Variants in LMNTD2 observed in about 807,000 individuals in gnomAD.
LMNTD2 encodes the protein lamin tail domain containing 2.
In LMNTD2, 83 loss-of-function variants were observed where a neutral mutation model predicts 70.1. The ratio of observed to expected loss-of-function variants is 1.18; its 90% CI spans 0.99 to 1.42. LMNTD2 has a LOEUF of 1.42. Among genes scored for constraint, LMNTD2 ranks in the 40% most tolerant of loss-of-function variants. The pLI, the probability that LMNTD2 is intolerant of heterozygous loss-of-function variation, is 0.00. For synonymous variants in LMNTD2, 534 were observed against 406.1 expected (o/e 1.31, Z -3.79); for missense variants, 1,153 against 905.9 (o/e 1.27, Z -3.50).
At chr11:559,489 C>G in intron 1 of LMNTD2, 1 of 1,291,362 alleles carries the variant, frequency 7.7e-7, no homozygotes, top group Non-Finnish European at 1.0e-6. Flanking sequence ...GAGTTCTGGG[C>G]CAGCCCAGCC....
In LMNTD2 at chr11:557,942, T is replaced by C. The variant is rs985493383; in HGVS notation, c.497A>G (p.Gln166Arg). The change falls in exon 5 of 14, where the codon CAG becomes CGG. Residue 166 changes from glutamine to arginine, a missense_variant. Coordinates refer to ENST00000329451, the MANE Select transcript of LMNTD2 (RefSeq NM_173573.3). ...GCCCACCCACGAGGAGCGGGCCAGC[T>C]GCAGGAGGCAGGACTTCTGCAAGTT... is the stretch of plus-strand genomic sequence containing the variant. ...LQNLQKSCLL[Q>R]LARSSWVGRM... The C allele has an allele frequency of 8.1e-6, 13 of 1,598,112 alleles. No individual in the cohort carries two copies. Among genetic ancestry groups the C allele is most frequent in the African/African-American group, 1.3e-5 (1 of 74,686 alleles).
In LMNTD2 at chr11:554,909, C is replaced by CG; in HGVS notation, c.*70dup. The CG allele has an allele frequency of 1.8e-6, 2 of 1,109,940 alleles. No homozygotes were observed. The highest frequency in any genetic ancestry group is 6.1e-5 in the East Asian group (2 of 33,054). The allele number at this position is 1,109,940 out of a possible 1,614,324, so 68.8% of individuals were successfully genotyped here. A position where few individuals can be genotyped will look rare whatever the true frequency, so the allele number is the denominator to read the frequency against. On this transcript the variant is annotated 3_prime_UTR_variant, in exon 14 of 14. Coordinates refer to ENST00000329451, the MANE Select transcript of LMNTD2 (RefSeq NM_173573.3). ...CACGTTGGTTCAATAAATGATGCAGCGGACACAGCCCGCCCAGCCCCGGCG... is the reference window on the plus strand; with the variant it reads ...CACGTTGGTTCAATAAATGATGCAGCGGGACACAGCCCGCCCAGCCCCGGCG...
At position 558,602 on chromosome 11, in the gene LMNTD2, T is replaced by C. The variant is rs768727060; in HGVS notation, c.311+12A>G. The C allele has an allele frequency of 3.8e-6, 6 of 1,598,732 alleles. No homozygotes were observed. Among genetic ancestry groups the C allele is most frequent in the Non-Finnish European group, 4.3e-6 (5 of 1,172,206 alleles). The stretch of plus-strand genomic sequence containing the variant: ...GGCGGGGTTGGGTTGGGCTGGGGAC[T>C]GTGCTGCAGACCTCTTGGGCGGAAG... On this transcript the variant is annotated intron_variant, in intron 3 of 13. Coordinates refer to ENST00000329451, the MANE Select transcript of LMNTD2 (RefSeq NM_173573.3).
intron 1 of LMNTD2, chr11:559,225 A>T: frequency 6.7e-7 from 1 of 1,484,702 alleles, no homozygotes; most frequent in South Asian, 1.3e-5. Flanking sequence ...GCAGCAGGTC[A>T]CCACCCGACA....
rs936467 is a variant in LMNTD2, at chr11:556,121, G to A, written c.1258-6C>T. 1,436,612 of 1,451,656 alleles carry A rather than the reference G, an allele frequency of 0.99. 711,725 individuals are homozygous for A. Among genetic ancestry groups the A allele is most frequent in the East Asian group, 1 (34,884 of 34,884 alleles). 89.9% of individuals were successfully genotyped at this position (1,451,656 alleles called of 1,614,324 possible). On this transcript the variant is annotated splice_region_variant and splice_polypyrimidine_tract_variant and intron_variant, in intron 10 of 13. Coordinates refer to ENST00000329451, the MANE Select transcript of LMNTD2 (RefSeq NM_173573.3). The stretch of plus-strand genomic sequence containing the variant: ...CGGGTCGCCTCGCCCCAGACCTGGA[G>A]GGGCGTGGAGCGGCGGGTGAGGGGC...
intron 5 of LMNTD2, 46 bp downstream of exon 5, chr11:557,828 ATGGGGAGGGC>A (rs1564817589): frequency 1.3e-6 from 2 of 1,515,522 alleles, no homozygotes; most frequent in African/African-American, 1.4e-5. Flanking sequence ...ACCCGACGAG[ATGGGGAGGGC>A]TGGGGAGGGC....
Position 557,037 on chromosome 11 carries a change from G to T in LMNTD2, c.774C>A (p.Ser258=), listed in dbSNP as rs374225356. The T allele has an allele frequency of 3.7e-6, 6 of 1,609,428 alleles. No homozygotes were observed. The Admixed American group carries it at 8.4e-5, about 22-fold the overall frequency. Residue 258 remains serine (S), a synonymous_variant, in exon 8 of 14, where the codon TCC becomes TCA. Transcript: ENST00000329451. Reference sequence around the variant, plus strand: ...ACTCCACGGTCTTGTGATGCCGCTCGGAATGCTTTCCAGAGGACTCTGGGC... The same window carrying T: ...ACTCCACGGTCTTGTGATGCCGCTCTGAATGCTTTCCAGAGGACTCTGGGC... ...TGSPESSGKH[S]ERHHKTVEWG...
chr11:555,165 A>AGGGGAGCGGCGAGGAGGGGC (rs1852729957), intron 13 of LMNTD2, 54 bp from the exon 14 acceptor site: 4 of 284,918 alleles, frequency 1.4e-5, no homozygotes, highest in East Asian at 4.8e-5. Flanking sequence ...ACGGGAGGGG[A>AGGGGAGCGGCGAGGAGGGGC]GGGGAGGGGA....
At chr11:558,374 C>T (rs1853038135) in intron 3 of LMNTD2, 126 bp from the exon 4 acceptor site, 3 of 1,178,600 alleles carry the variant, frequency 2.5e-6, no homozygotes, top group Non-Finnish European at 2.3e-6. Context: ...GCACACAGTA[C>T]AGCCCCGCTG....
Position 556,247 on chromosome 11 carries a change from TC to T in LMNTD2, c.1201del (p.Glu401SerfsTer54). The T allele has an allele frequency of 6.5e-7, 1 of 1,528,790 alleles. No homozygotes were observed. The highest frequency in any genetic ancestry group is 8.7e-7 in the Non-Finnish European group (1 of 1,143,932). The allele number at this position is 1,528,790 out of a possible 1,614,324, so 94.7% of individuals were successfully genotyped here. ...GCCCGGCGGGAAGCGGTACAGGCGC[TC>T]CGGGAAGCCGCGCACCAGCTGCTTC... The part of the protein sequence containing the change: ...VLKQLVRGFP[E>X]RLYRFPPGTL... On this transcript the variant is annotated frameshift_variant, in exon 10 of 14. Transcript: ENST00000329451. LOFTEE classifies it high-confidence loss of function.
At position 559,108 on chromosome 11, in the gene LMNTD2, C is replaced by T. The variant is rs564852228; in HGVS notation, c.35-129G>A. 11 of 1,508,172 alleles carry T rather than the reference C, an allele frequency of 7.3e-6. No individual in the cohort carries two copies. In the Admixed American group the frequency reaches 8.3e-5, roughly 11 times the overall value. 93.4% of individuals were successfully genotyped at this position (1,508,172 alleles called of 1,614,324 possible). A position where few individuals can be genotyped will look rare whatever the true frequency, so the allele number is the denominator to read the frequency against. ...GTCTGCCGTGTGCGCCTCGTGTGGCCACACAGGTTGGAGCAGCCCAGGCGT... is the reference window on the plus strand; with the variant it reads ...GTCTGCCGTGTGCGCCTCGTGTGGCTACACAGGTTGGAGCAGCCCAGGCGT... On this transcript the variant is annotated intron_variant, in intron 1 of 13. Transcript: ENST00000329451.
Position 557,874 on chromosome 11 carries a change from A to G in LMNTD2, c.555+10T>C. On this transcript the variant is annotated intron_variant, in intron 5 of 13. Transcript: ENST00000329451. ...AGCCTGGGGCAGGAGGGCTTGGGGG[A>G]CAGGCTCACCTCCACACTGCCAGTC... 1 of 1,555,248 alleles carries G rather than the reference A, an allele frequency of 6.4e-7. No homozygotes were observed. The highest frequency in any genetic ancestry group is 1.2e-5 in the South Asian group (1 of 83,004).
intron 1 of LMNTD2, chr11:560,348 C>A: frequency 9.6e-6 from 11 of 1,145,406 alleles, no homozygotes; most frequent in Non-Finnish European, 1.1e-5. Flanking sequence ...CCAAAAGGGG[C>A]AGGAAGGTGT....
chr11:556,671 C>A, intron 8 of LMNTD2, 83 bp from the exon 9 acceptor site: 1 of 1,411,904 alleles, frequency 7.1e-7, no homozygotes, highest in East Asian at 2.5e-5. Context: ...AACAGGCCTG[C>A]AACGCCTGGC....
chr11:560,229 G>A, intron 1 of LMNTD2: 1 of 850,168 alleles, frequency 1.2e-6, no homozygotes, highest in Non-Finnish European at 1.4e-6. Flanking sequence ...ACAATCAATG[G>A]CCCACACAGC....
chr11:558,370 A>G lies in LMNTD2; in HGVS notation c.312-122T>C. 2.5e-6 allele frequency: 3 copies of G among 1,195,824 alleles called. No individual in the cohort carries two copies. In the Admixed American group the frequency reaches 7.8e-5, roughly 31 times the overall value. 74.1% of individuals were successfully genotyped at this position (1,195,824 alleles called of 1,614,324 possible). On this transcript the variant is annotated intron_variant, in intron 3 of 13. Transcript: ENST00000329451. ...TGCCACCTTGGCCCCAAGGGCACAC[A>G]GTACAGCCCCGCTGGGGCTGGCCAG...
rs767122435 is a variant in LMNTD2, at chr11:556,811, C to T, written c.976+24G>A. Reference sequence around the variant, plus strand: ...GGGTGGAGGGTGGGTGAAGGGTAACCAGGGGAGACCCGCCCCACTGCACCT... The same window carrying T: ...GGGTGGAGGGTGGGTGAAGGGTAACTAGGGGAGACCCGCCCCACTGCACCT... On this transcript the variant is annotated intron_variant, in intron 8 of 13. Transcript: ENST00000329451. 31 of 1,532,606 alleles carry T rather than the reference C, an allele frequency of 2.0e-5. No homozygotes were observed. The East Asian group carries it at 7.0e-4, about 35-fold the overall frequency. The allele number at this position is 1,532,606 out of a possible 1,614,324, so 94.9% of individuals were successfully genotyped here.
rs1852953454 is a variant in LMNTD2 at position 557,300 on chromosome 11, T to C, written c.713+99A>G. On this transcript the variant is annotated intron_variant, in intron 7 of 13. Coordinates refer to ENST00000329451, the MANE Select transcript of LMNTD2 (RefSeq NM_173573.3). The stretch of plus-strand genomic sequence containing the variant: ...CGCATTGGAAGGTTTAAGAGACTTA[T>C]CCAGGGACACTAAATGGTCCTTTAG... The C allele has an allele frequency of 4.2e-6, 6 of 1,439,602 alleles. 1 individual carries two copies. The South Asian group carries it at 7.4e-5, about 18-fold the overall frequency. The allele number at this position is 1,439,602 out of a possible 1,614,324, so 89.2% of individuals were successfully genotyped here.
chr11:558,714 G>T lies in LMNTD2; in HGVS notation c.211C>A (p.Arg71=), dbSNP rs769443550. The T allele has an allele frequency of 3.7e-6, 6 of 1,606,682 alleles. No homozygotes were observed. The highest frequency in any genetic ancestry group is 5.1e-6 in the Non-Finnish European group (6 of 1,177,522). ...CGCAAGGCCTGGATCTCCAGTTCTC[G>T]CTGTCTCCACAGCAGCCGCAGTGTG... ...PRTLRLLWRQ[R]ELEIQALRWA... The change falls in exon 3 of 14, where the codon CGA becomes AGA. Residue 71 remains arginine (R), a synonymous_variant. Transcript: ENST00000329451.
Sources: gnomAD v4.1 joint callset for allele counts on GRCh38, gnomAD v4.1.1 for gene constraint, MANE v1.5 for transcripts, NCBI Gene and HGNC (gene_info 2026-07-23, HGNC 2026-07-21) for gene names.